Variants in DDX4 observed in about 807,000 individuals in gnomAD.
The protein encoded by DDX4 is probable ATP-dependent RNA helicase DDX4.
DDX4 carries 25 observed loss-of-function variants against 100.0 expected under a neutral mutation model. The ratio of observed to expected loss-of-function variants is 0.25; its 90% CI spans 0.18 to 0.35. The LOEUF (loss-of-function observed/expected upper bound fraction) is 0.35, where lower values mean the gene tolerates loss of function less well. Among genes scored for constraint, DDX4 ranks in the 10% least tolerant of loss-of-function variants. DDX4 has a pLI of 1.00. For synonymous variants in DDX4, 259 were observed against 275.7 expected (o/e 0.94, Z 0.60); for missense variants, 635 against 882.4 (o/e 0.72, Z 3.55).
intron 4 of DDX4, among the ~76,000 whole-genome samples, chr5:55,762,273 C>CT (rs568267926): frequency 1.5e-4 from 23 of 152,076 alleles, no homozygotes; most frequent in Middle Eastern, 3.4e-3. Context: ...CTCTCCTGTT[C>CT]TTTTTTTAAT....
chr5:55,810,597 T>A (rs1312789025), intron 18 of DDX4, among the ~76,000 whole-genome samples: 1 of 152,180 alleles, frequency 6.6e-6, no homozygotes, highest in East Asian at 1.9e-4. Context: ...ATCTATTCTC[T>A]TTAATCTTGG....
chr5:55,804,798 C>T (rs1031378788), intron 18 of DDX4, among the ~76,000 whole-genome samples: 6 of 151,996 alleles, frequency 3.9e-5, no homozygotes, highest in Admixed American at 2.0e-4. Flanking sequence ...ATTGACTTGG[C>T]GATGCGGGCT....
Position 55,815,166 on chromosome 5 carries a change from A to T in DDX4, c.1981A>T (p.Thr661Ser). ...AGCACAGCCTCTAGTAAAAGTATTG[A>T]CAGATGTAAGTTAAACTTTTATGAT... ...HLAQPLVKVLTDAQQDVPAWL... is the reference protein window; with the variant it reads ...HLAQPLVKVLSDAQQDVPAWL... The change falls in exon 20 of 22, where the codon ACA (threonine) becomes TCA (serine). Residue 661 changes from threonine to serine, a missense_variant. This residue lies in a region of DDX4 where 73 missense variants were observed against 98.5 expected (regional missense o/e 0.74). Transcript: ENST00000505374. The T allele has an allele frequency of 1.9e-6, 3 of 1,613,666 alleles. No individual in the cohort carries two copies. Among genetic ancestry groups the T allele is most frequent in the Non-Finnish European group, 2.5e-6 (3 of 1,179,760 alleles).
Position 55,775,111 on chromosome 5 carries a change from G to A in DDX4, c.395-4853G>A, listed in dbSNP as rs140005486. ...TTAGGTATTTCATACAAGTGGAATC[G>A]TACAATATTTGTCCTGTCGTATTTG... On this transcript the variant is annotated intron_variant, in intron 7 of 21. Transcript: ENST00000505374. Among the ~76,000 whole-genome samples, 535 of 152,170 alleles carry A rather than the reference G, an allele frequency of 3.5e-3. 6 individuals are homozygous for A. The highest frequency in any genetic ancestry group is 0.012 in the African/African-American group (500 of 41,512).
chr5:55,789,541 T>C (rs1422248297), intron 15 of DDX4, among the ~76,000 whole-genome samples: 6 of 152,242 alleles, frequency 3.9e-5, no homozygotes, highest in Admixed American at 3.9e-4. Context: ...ATAGCTTTTA[T>C]GAAATAGTCC....
At chr5:55,790,822 T>A in intron 16 of DDX4, 117 bp downstream of exon 16, 2 of 840,924 alleles carry the variant, frequency 2.4e-6, no homozygotes, top group Non-Finnish European at 3.8e-6. Context: ...TGTGTTAGCC[T>A]CCATCACATT....
intron 18 of DDX4, among the ~76,000 whole-genome samples, 157 bp from the exon 19 acceptor site, chr5:55,813,516 A>T (rs1436727426): frequency 6.6e-6 from 1 of 152,216 alleles, no homozygotes; most frequent in East Asian, 1.9e-4. Flanking sequence ...TCCATTCTGG[A>T]ATTAGAGTCC....
chr5:55,750,632 G>T (rs1027137999), intron 3 of DDX4, among the ~76,000 whole-genome samples: 1 of 152,074 alleles, frequency 6.6e-6, no homozygotes, highest in Admixed American at 6.6e-5. Flanking sequence ...TTTCTTCATT[G>T]GAACTCCATA....
chr5:55,777,637 C>T (rs1741647450), intron 7 of DDX4: 1 of 152,282 alleles, frequency 6.6e-6, no homozygotes, highest in Admixed American at 6.6e-5. Context: ...AGAGCTAACG[C>T]ATGCTGGGCT....
In DDX4 at chr5:55,786,628, A is replaced by G; in HGVS notation, c.975A>G (p.Gly325=). The G allele has an allele frequency of 6.2e-7, 1 of 1,613,476 alleles. No individual in the cohort carries two copies. Among genetic ancestry groups the G allele is most frequent in the South Asian group, 1.1e-5 (1 of 91,052 alleles). ...ACAGTATTCCTATCATACTTGCAGG[A>G]CGAGATTTGATGGCTTGCGCTCAAA... is the stretch of plus-strand genomic sequence containing the variant. The part of the protein sequence containing the change: ...QKYSIPIILA[G]RDLMACAQTG... Residue 325 remains glycine (G), a synonymous_variant, in exon 14 of 22, where the codon GGA becomes GGG. Transcript: ENST00000505374.
At chr5:55,770,333 T>C (rs1213074337) in intron 7 of DDX4, among the ~76,000 whole-genome samples, 1 of 152,126 alleles carries the variant, frequency 6.6e-6, no homozygotes, top group Non-Finnish European at 1.5e-5. Flanking sequence ...TCATTGGAAA[T>C]TTGAGGGGGG....
chr5:55,787,721 C>A, intron 14 of DDX4, 125 bp from the exon 15 acceptor site: 1 of 1,050,220 alleles, frequency 9.5e-7, no homozygotes, highest in Non-Finnish European at 1.3e-6. Flanking sequence ...GTTTTCATTT[C>A]TCATCTTAAA....
At chr5:55,739,546 T>C (rs1758869239) in intron 2 of DDX4, among the ~76,000 whole-genome samples, 1 of 152,176 alleles carries the variant, frequency 6.6e-6, no homozygotes, top group Non-Finnish European at 1.5e-5. Flanking sequence ...GTAAGTTTTT[T>C]GGGCTTCAGT....
rs763875657 is a variant in DDX4, at chr5:55,779,944, T to G, written c.395-20T>G. 8.7e-6 allele frequency: 14 copies of G among 1,609,194 alleles called. No homozygotes were observed. The highest frequency in any genetic ancestry group is 1.2e-5 in the Non-Finnish European group (14 of 1,177,954). On this transcript the variant is annotated intron_variant, in intron 7 of 21. Transcript: ENST00000505374. ...TTGTTGTTGTTTTGTGTTGTTCTTGTGTGTGTTTTAACATTATAGGCTATC... is the reference window on the plus strand; with the variant it reads ...TTGTTGTTGTTTTGTGTTGTTCTTGGGTGTGTTTTAACATTATAGGCTATC...
At chr5:55,767,786 CTT>C in intron 6 of DDX4, 93 bp from the exon 7 acceptor site, 1 of 799,574 alleles carries the variant, frequency 1.3e-6, no homozygotes, top group South Asian at 2.3e-5. Context: ...AATATTTTGT[CTT>C]CTTACTAATT....
rs530491323 is a variant in DDX4, at chr5:55,809,299, G to A, written c.1616-4374G>A. On this transcript the variant is annotated intron_variant, in intron 18 of 21. Transcript: ENST00000505374. The stretch of plus-strand genomic sequence containing the variant: ...GATGCCTGGCCGTGCTTCAGCTCAC[G>A]CTCAGTGTGCTGCACCAAGTGTCCT... Among the ~76,000 whole-genome samples, 18 of 152,246 alleles carry A rather than the reference G, an allele frequency of 1.2e-4. No individual in the cohort carries two copies. The South Asian group carries it at 2.5e-3, about 21-fold the overall frequency.
intron 7 of DDX4, among the ~76,000 whole-genome samples, chr5:55,772,168 G>A (rs954781716): frequency 1.3e-5 from 2 of 152,126 alleles, no homozygotes; most frequent in African/African-American, 4.8e-5. Context: ...CTGAGATTGC[G>A]CCACTGCACT....
chr5:55,793,558 G>A (rs990549299), intron 17 of DDX4, among the ~76,000 whole-genome samples: 2 of 152,168 alleles, frequency 1.3e-5, no homozygotes, highest in Admixed American at 6.5e-5. Context: ...GTGGAACTGC[G>A]TTCTCTTTGG....
At chr5:55,767,028 A>G (rs1409474315) in intron 6 of DDX4, 2 of 1,486,430 alleles carry the variant, frequency 1.3e-6, no homozygotes, top group African/African-American at 2.9e-5. Flanking sequence ...AACTCTGGGA[A>G]TGTTACTTAC....
Sources: allele counts gnomAD v4.1 joint callset (sites outside exome capture counted in the v4.1 genomes callset), GRCh38; gene constraint gnomAD v4.1.1; regional missense constraint gnomAD v4.1.1; transcripts MANE v1.5; gene names NCBI Gene and HGNC (gene_info 2026-07-23, HGNC 2026-07-21).